GARRE1: variants seen among roughly 807,000 people sequenced by gnomAD.
GARRE1 encodes the protein granule associated Rac and RHOG effector 1, also known as granule associated Rac and RHOG effector protein 1.
GARRE1 carries 49 observed loss-of-function variants against 103.2 expected under a neutral mutation model. That is an observed-to-expected ratio of 0.47 (90% CI 0.38 to 0.60). GARRE1 has a LOEUF of 0.60. GARRE1 is among the 20% of genes least tolerant of loss of function. GARRE1 has a pLI of 0.00. For missense variants in GARRE1, 1,199 were observed against 1,370.5 expected (o/e 0.87, Z 1.98); for synonymous variants, 505 against 532.8 (o/e 0.95, Z 0.72).
chr19:34,349,259 G>A, intron 12 of GARRE1, 106 bp downstream of exon 12: 1 of 1,140,596 alleles, frequency 8.8e-7, no homozygotes, highest in East Asian at 2.4e-5. Context: ...CAGTCTCCCT[G>A]TGTGAGAGGA....
At chr19:34,298,884 A>T (rs898243775) in intron 1 of GARRE1, among the ~76,000 whole-genome samples, 1 of 152,230 alleles carries the variant, frequency 6.6e-6, no homozygotes, top group African/African-American at 2.4e-5. Flanking sequence ...AACCAGCGAT[A>T]TCCAGATTCT....
Position 34,339,834 on chromosome 19 carries a change from A to G in GARRE1, c.1362-33A>G, listed in dbSNP as rs1414236248. 4 of 1,613,334 alleles carry G rather than the reference A, an allele frequency of 2.5e-6. No individual in the cohort carries two copies. The East Asian group carries it at 8.9e-5, about 36-fold the overall frequency. On this transcript the variant is annotated intron_variant, in intron 8 of 13. Coordinates refer to ENST00000299505, the MANE Select transcript of GARRE1 (RefSeq NM_014686.5). ...TTGAGACACCTTTGCAGAGAAATGCAGCCAAGACTAATGCAGCCTAATCTA... is the reference window on the plus strand; with the variant it reads ...TTGAGACACCTTTGCAGAGAAATGCGGCCAAGACTAATGCAGCCTAATCTA...
chr19:34,329,688 T>G (rs1203444043), intron 6 of GARRE1, among the ~76,000 whole-genome samples: 1 of 151,964 alleles, frequency 6.6e-6, no homozygotes, highest in Non-Finnish European at 1.5e-5. Flanking sequence ...ATACAAAAAT[T>G]AGCTGGGTAT....
At chr19:34,282,718 T>G (rs1157822419) in intron 1 of GARRE1, among the ~76,000 whole-genome samples, 2 of 152,190 alleles carry the variant, frequency 1.3e-5, no homozygotes, top group African/African-American at 2.4e-5. Flanking sequence ...GTTGGCTGAT[T>G]GAGGAATGGG....
At chr19:34,270,863 A>T (rs1323382645) in intron 1 of GARRE1, among the ~76,000 whole-genome samples, 1 of 152,184 alleles carries the variant, frequency 6.6e-6, no homozygotes, top group African/African-American at 2.4e-5. Flanking sequence ...TTTGGGGTAG[A>T]TAATTCTTTG....
chr19:34,311,421 G>A (rs1042471509), intron 2 of GARRE1, among the ~76,000 whole-genome samples: 1 of 151,980 alleles, frequency 6.6e-6, no homozygotes, highest in Non-Finnish European at 1.5e-5. Flanking sequence ...TCTCCAGTGC[G>A]TGCAGAATGA....
chr19:34,329,206 T>C (rs1215488029), intron 6 of GARRE1, among the ~76,000 whole-genome samples: 1 of 152,214 alleles, frequency 6.6e-6, no homozygotes, highest in Non-Finnish European at 1.5e-5. Flanking sequence ...AGCTAGAAAG[T>C]AGAAGAGCTG....
At chr19:34,293,198 C>A (rs764391187) in intron 1 of GARRE1, among the ~76,000 whole-genome samples, 1 of 151,904 alleles carries the variant, frequency 6.6e-6, no homozygotes, top group African/African-American at 2.4e-5. Flanking sequence ...TGTGTATTGG[C>A]GTATTTATAA....
intron 2 of GARRE1, among the ~76,000 whole-genome samples, chr19:34,307,164 C>G (rs991546332): frequency 6.6e-6 from 1 of 152,120 alleles, no homozygotes; most frequent in Non-Finnish European, 1.5e-5. Context: ...AGAGGGGCCA[C>G]TCTGGTGTCT....
chr19:34,271,502 C>G (rs1270859004), intron 1 of GARRE1, among the ~76,000 whole-genome samples: 1 of 151,970 alleles, frequency 6.6e-6, no homozygotes, highest in Non-Finnish European at 1.5e-5. Context: ...CCCGCCTCGG[C>G]CTTCCAGAGT....
chr19:34,292,622 C>A (rs2073924560), intron 1 of GARRE1, among the ~76,000 whole-genome samples: 1 of 152,162 alleles, frequency 6.6e-6, no homozygotes, highest in Non-Finnish European at 1.5e-5. Context: ...GTTACCCAGG[C>A]TGGAGCACAG....
intron 1 of GARRE1, among the ~76,000 whole-genome samples, chr19:34,271,109 T>C (rs1342957325): frequency 6.6e-6 from 1 of 152,226 alleles, no homozygotes; most frequent in Admixed American, 6.5e-5. Flanking sequence ...GTAGAATGTT[T>C]GGTTCCCTGG....
chr19:34,327,551 G>A lies in GARRE1; in HGVS notation c.836G>A (p.Ser279Asn). Residue 279 changes from serine (S) to asparagine (N), a missense_variant, in exon 4 of 14, where the codon AGT becomes AAT. Physicochemically the swap from Ser to Asn is conservative, Grantham distance 46 (BLOSUM62 1). Transcript: ENST00000299505. ...AAAGAACTGAACATAAAAATCGACA[G>A]TGCTTTGCAAGTAAGTTTTTCAGAA... ...QLKELNIKID[S>N]ALQAYKIALE... 1 of 1,613,756 alleles carries A rather than the reference G, an allele frequency of 6.2e-7. No individual in the cohort carries two copies. The highest frequency in any genetic ancestry group is 2.2e-5 in the East Asian group (1 of 44,874).
At chr19:34,338,679 G>GA (rs1426569639) in intron 8 of GARRE1, among the ~76,000 whole-genome samples, 2 of 152,214 alleles carry the variant, frequency 1.3e-5, no homozygotes, top group Non-Finnish European at 2.9e-5. Flanking sequence ...GTCCTGAGGT[G>GA]TGGACAAACC....
In GARRE1 at chr19:34,319,916, C is replaced by T; in HGVS notation, c.505C>T (p.Arg169Ter). The T allele has an allele frequency of 6.2e-6, 10 of 1,614,128 alleles. No homozygotes were observed. Among genetic ancestry groups the T allele is most frequent in the Non-Finnish European group, 6.8e-6 (8 of 1,179,950 alleles). ...TGTCTTGTTTTCACAGGTGTTGGGG[C>T]GATGTTTCCTGACTGTGGTGCAAGT... ...FSLQDIEVLG[R>*]CFLTVVQVHF... Residue 169 changes from arginine to a stop codon, truncating the protein, a stop_gained, in exon 3 of 14, where the codon CGA (arginine) becomes TGA (stop). Coordinates refer to ENST00000299505, the MANE Select transcript of GARRE1 (RefSeq NM_014686.5). LOFTEE classifies it high-confidence loss of function.
At chr19:34,340,853 C>T (rs1259625364) in intron 9 of GARRE1, among the ~76,000 whole-genome samples, 1 of 152,152 alleles carries the variant, frequency 6.6e-6, no homozygotes, top group South Asian at 2.1e-4. Flanking sequence ...TACACAAAGG[C>T]CAGAATAGTG....
intron 9 of GARRE1, 83 bp downstream of exon 9, chr19:34,340,075 A>G (rs919779267): frequency 2.4e-5 from 35 of 1,436,990 alleles, no homozygotes; most frequent in Non-Finnish European, 3.3e-5. Context: ...TGTCATTGAT[A>G]GTATACGGTA....
intron 1 of GARRE1, among the ~76,000 whole-genome samples, chr19:34,258,050 C>T (rs1447082074): frequency 2.6e-5 from 4 of 151,834 alleles, no homozygotes; most frequent in Admixed American, 2.0e-4. Flanking sequence ...CCACCACCCC[C>T]AGCAAATTTT....
intron 2 of GARRE1, among the ~76,000 whole-genome samples, chr19:34,301,684 ATT>A (rs766284048): frequency 7.1e-5 from 10 of 140,134 alleles, no homozygotes; most frequent in Non-Finnish European, 7.8e-5. Context: ...TTATTTGTGG[ATT>A]TTTTTTTTTT....
Sources: gnomAD v4.1 joint callset for allele counts (sites outside exome capture counted in the v4.1 genomes callset) on GRCh38, gnomAD v4.1.1 for gene constraint, MANE v1.5 for transcripts, NCBI Gene and HGNC (gene_info 2026-07-23, HGNC 2026-07-21) for gene names.